The following PTPRQ variants were observed in gnomAD, a reference collection of about 807,000 sequenced individuals.
PTPRQ encodes the protein phosphatidylinositol phosphatase PTPRQ.
In PTPRQ, 199 loss-of-function variants were observed where a neutral mutation model predicts 246.0. That is an observed-to-expected ratio of 0.81 (90% CI 0.72 to 0.91). The LOEUF (loss-of-function observed/expected upper bound fraction) is 0.91, where lower values mean the gene tolerates loss of function less well. Among genes scored for constraint, PTPRQ ranks in the 40% least tolerant of loss-of-function variants. The pLI is 0.00. For missense variants in PTPRQ, 2,624 were observed against 2,528.4 expected, an observed-to-expected ratio of 1.04 and a Z score of -0.81; for synonymous variants, 869 against 853.2, an observed-to-expected ratio of 1.02 and a Z score of -0.32.
chr12:80,477,604 T>A (rs1334015874), intron 8 of PTPRQ, among the ~76,000 whole-genome samples: 1 of 152,144 alleles, frequency 6.6e-6, no homozygotes, highest in African/African-American at 2.4e-5. Context: ...GATTTCTGCA[T>A]TTCCATCTGA....
At chr12:80,656,594 T>C (rs1201198677) in intron 38 of PTPRQ, among the ~76,000 whole-genome samples, 1 of 152,046 alleles carries the variant, frequency 6.6e-6, no homozygotes, top group Non-Finnish European at 1.5e-5. Flanking sequence ...TCAGGAAAAA[T>C]AGTTTCTGAC....
intron 33 of PTPRQ, among the ~76,000 whole-genome samples, chr12:80,629,404 C>A (rs1226074880): frequency 1.3e-5 from 2 of 152,106 alleles, no homozygotes. Flanking sequence ...TTTCAGCAAA[C>A]CTTTAAAGGA....
intron 33 of PTPRQ, among the ~76,000 whole-genome samples, chr12:80,625,550 A>G (rs180730271): frequency 6.6e-6 from 1 of 152,262 alleles, no homozygotes; most frequent in Non-Finnish European, 1.5e-5. Flanking sequence ...TTTGGAGTTT[A>G]AAATTAGGGG....
chr12:80,634,141 CA>C (rs144442166), intron 34 of PTPRQ, among the ~76,000 whole-genome samples: 2,436 of 152,152 alleles, frequency 0.016, 71 homozygotes, highest in African/African-American at 0.055. Flanking sequence ...TTTCTCTTTT[CA>C]TGTTTTTTCT....
chr12:80,604,512 G>T (rs1478636762), intron 26 of PTPRQ, among the ~76,000 whole-genome samples: 1 of 151,692 alleles, frequency 6.6e-6, no homozygotes. Flanking sequence ...AATATTTGAA[G>T]ATTGCATTTC....
At position 80,493,470 on chromosome 12, in the gene PTPRQ, G is replaced by A; in HGVS notation, c.1540+15G>A. 6.5e-7 allele frequency: 1 copy of A among 1,544,110 alleles called. No individual in the cohort carries two copies. On this transcript the variant is annotated intron_variant, in intron 10 of 44. Coordinates refer to ENST00000644991, the MANE Select transcript of PTPRQ (RefSeq NM_001145026.2). ...TTCACCAGTTGGTAGGTAGAATTTTGATTTTCTATAAAGTTCATTTAAACC... is the reference window on the plus strand; with the variant it reads ...TTCACCAGTTGGTAGGTAGAATTTTAATTTTCTATAAAGTTCATTTAAACC...
chr12:80,479,412 CT>C (rs1228029709), intron 8 of PTPRQ, among the ~76,000 whole-genome samples: 1 of 151,906 alleles, frequency 6.6e-6, no homozygotes, highest in Non-Finnish European at 1.5e-5. Flanking sequence ...GTACCAGCCA[CT>C]GCAAAATCAT....
intron 23 of PTPRQ, among the ~76,000 whole-genome samples, chr12:80,544,634 G>T (rs932343001): frequency 2.0e-5 from 3 of 151,778 alleles, no homozygotes; most frequent in Non-Finnish European, 4.4e-5. Flanking sequence ...TCCTTTAAAT[G>T]TACTCTCATG....
At chr12:80,496,965 A>T (rs1316090530) in intron 14 of PTPRQ, among the ~76,000 whole-genome samples, 1 of 151,834 alleles carries the variant, frequency 6.6e-6, no homozygotes, top group Non-Finnish European at 1.5e-5. Context: ...TATGGAGGAG[A>T]CAGCATTTGG....
intron 6 of PTPRQ, among the ~76,000 whole-genome samples, chr12:80,461,397 A>C (rs953108034): frequency 2.0e-5 from 3 of 152,138 alleles, no homozygotes; most frequent in African/African-American, 7.2e-5. Context: ...CAGTAATAGT[A>C]CCTTCCTTAG....
At chr12:80,475,244 TTAGG>T (rs1434315212) in intron 8 of PTPRQ, among the ~76,000 whole-genome samples, 1 of 152,142 alleles carries the variant, frequency 6.6e-6, no homozygotes, top group Non-Finnish European at 1.5e-5. Context: ...AGAATAATTC[TTAGG>T]TAGTCCATGT....
intron 27 of PTPRQ, among the ~76,000 whole-genome samples, chr12:80,605,686 G>T (rs534847733): frequency 1.1e-3 from 173 of 151,128 alleles, no homozygotes; most frequent in African/African-American, 4.1e-3. Flanking sequence ...GGGAATAGGG[G>T]TGTAAAAAAG....
chr12:80,495,476 C>T, intron 12 of PTPRQ, 105 bp downstream of exon 12: 1 of 1,321,534 alleles, frequency 7.6e-7, no homozygotes, highest in East Asian at 2.9e-5. Context: ...AGAACACATG[C>T]TATGTCACTT....
At position 80,475,597 on chromosome 12, in the gene PTPRQ, C is replaced by CTT. The variant is rs560228586; in HGVS notation, c.1186+3350_1186+3351dup. 4.4e-3 allele frequency among the ~76,000 whole-genome samples: 662 copies of CTT among 151,988 alleles called. 4 individuals carry two copies. The highest frequency in any genetic ancestry group is 0.015 in the African/African-American group (630 of 41,496). On this transcript the variant is annotated intron_variant, in intron 8 of 44. Transcript: ENST00000644991. ...ATTTGTGGTCTAACAGATCAAGTAT[C>CTT]TTTTTAAAGACAAGATACAATGCTG...
chr12:80,649,440 T>A (rs1248857753), intron 36 of PTPRQ, 148 bp from the exon 37 acceptor site: 14 of 1,130,418 alleles, frequency 1.2e-5, no homozygotes, highest in Non-Finnish European at 1.4e-5. Context: ...TTTATAAGTA[T>A]AACAGAGTGA....
At chr12:80,503,333 G>A (rs1894859557) in intron 14 of PTPRQ, among the ~76,000 whole-genome samples, 1 of 151,818 alleles carries the variant, frequency 6.6e-6, no homozygotes, top group South Asian at 2.1e-4. Context: ...AGAAAGGATA[G>A]TGGAATTATA....
At chr12:80,606,692 T>C (rs1898335344) in intron 27 of PTPRQ, among the ~76,000 whole-genome samples, 1 of 150,978 alleles carries the variant, frequency 6.6e-6, no homozygotes, top group Admixed American at 6.6e-5. Flanking sequence ...GGAGATATAA[T>C]GCTTCTATCT....
At chr12:80,480,810 C>G (rs1011296485) in intron 8 of PTPRQ, among the ~76,000 whole-genome samples, 4 of 152,138 alleles carry the variant, frequency 2.6e-5, no homozygotes, top group Non-Finnish European at 5.9e-5. Flanking sequence ...TACACTCTCC[C>G]AAGACTAAAC....
At chr12:80,500,496 G>T (rs1047076884) in intron 14 of PTPRQ, among the ~76,000 whole-genome samples, 1 of 151,906 alleles carries the variant, frequency 6.6e-6, no homozygotes, top group African/African-American at 2.4e-5. Context: ...CTGGTGGTAG[G>T]CAGACAACTG....
Sources: allele counts gnomAD v4.1 joint callset (sites outside exome capture counted in the v4.1 genomes callset), GRCh38; gene constraint gnomAD v4.1.1; transcripts MANE v1.5; gene names NCBI Gene and HGNC (gene_info 2026-07-23, HGNC 2026-07-21).